CSMD2: variants seen among roughly 807,000 people sequenced by gnomAD.
CSMD2 encodes the protein CUB and sushi domain-containing protein 2.
Under a neutral mutation model 398.5 loss-of-function variants are expected in CSMD2, and 130 were observed. The ratio of observed to expected loss-of-function variants is 0.33; its 90% CI spans 0.28 to 0.38. CSMD2 has a LOEUF of 0.38. CSMD2 is among the 10% of genes least tolerant of loss of function. The pLI is 1.00. For missense variants in CSMD2, 3,829 were observed against 4,764.9 expected, an observed-to-expected ratio of 0.80 and a Z score of 5.78; for synonymous variants, 1,828 against 1,908.5, an observed-to-expected ratio of 0.96 and a Z score of 1.10.
At chr1:33,531,195 C>T (rs1355014703) in intron 64 of CSMD2, among the ~76,000 whole-genome samples, 1 of 152,134 alleles carries the variant, frequency 6.6e-6, no homozygotes, top group African/African-American at 2.4e-5. Context: ...TATATCAAAA[C>T]ATCATGCTGT....
intron 70 of CSMD2, among the ~76,000 whole-genome samples, chr1:33,517,195 G>C (rs143131468): frequency 8.5e-5 from 13 of 152,314 alleles, no homozygotes; most frequent in African/African-American, 2.9e-4. Flanking sequence ...ATGTGTGTGT[G>C]TCTGTTCAGG....
chr1:33,885,783 G>T (rs922254613), intron 5 of CSMD2, among the ~76,000 whole-genome samples: 1 of 152,132 alleles, frequency 6.6e-6, no homozygotes, highest in African/African-American at 2.4e-5. Flanking sequence ...TAGTCTAATA[G>T]GTATTCTCAG....
intron 2 of CSMD2, among the ~76,000 whole-genome samples, chr1:34,038,825 T>C (rs1326410974): frequency 6.6e-6 from 1 of 152,164 alleles, no homozygotes; most frequent in African/African-American, 2.4e-5. Context: ...AAAGTTCACT[T>C]CTTATCACCA....
chr1:33,616,509 A>G (rs1181526411), intron 39 of CSMD2, among the ~76,000 whole-genome samples: 4 of 152,160 alleles, frequency 2.6e-5, no homozygotes, highest in Admixed American at 2.6e-4. Context: ...AAGTGCTGGG[A>G]TTACAGGCAT....
intron 3 of CSMD2, among the ~76,000 whole-genome samples, chr1:33,946,851 T>A (rs944793312): frequency 1.6e-4 from 25 of 151,918 alleles, no homozygotes; most frequent in African/African-American, 6.0e-4. Context: ...GCTAGGCTGG[T>A]CTCCAATTCC....
chr1:33,987,602 T>C (rs1354969048), intron 3 of CSMD2, among the ~76,000 whole-genome samples: 1 of 152,194 alleles, frequency 6.6e-6, no homozygotes, highest in African/African-American at 2.4e-5. Context: ...TGCTGTCAAT[T>C]ATAATTCCTC....
intron 32 of CSMD2, among the ~76,000 whole-genome samples, chr1:33,632,852 G>A (rs553506184): frequency 6.6e-6 from 1 of 152,160 alleles, no homozygotes; most frequent in Non-Finnish European, 1.5e-5. Flanking sequence ...TAGGGAATTC[G>A]TTACATAAAT....
intron 26 of CSMD2, among the ~76,000 whole-genome samples, chr1:33,658,916 G>A (rs1455768472): frequency 1.3e-5 from 2 of 152,162 alleles, no homozygotes; most frequent in African/African-American, 4.8e-5. Flanking sequence ...GGTTTGCAAA[G>A]GACTTTGCGA....
intron 1 of CSMD2, among the ~76,000 whole-genome samples, chr1:34,152,542 T>G (rs1203381500): frequency 6.6e-6 from 1 of 152,084 alleles, no homozygotes; most frequent in African/African-American, 2.4e-5. Flanking sequence ...CCACTCTCAC[T>G]CAACCAGGAG....
intron 21 of CSMD2, among the ~76,000 whole-genome samples, chr1:33,712,802 T>C (rs1437910912): frequency 6.6e-6 from 1 of 151,996 alleles, no homozygotes; most frequent in East Asian, 1.9e-4. Flanking sequence ...CTGGGGTGGG[T>C]GGCGGGGTTC....
chr1:33,750,645 G>C (rs1648095417), intron 13 of CSMD2, among the ~76,000 whole-genome samples: 1 of 152,146 alleles, frequency 6.6e-6, no homozygotes, highest in African/African-American at 2.4e-5. Context: ...TCAAAAGAGA[G>C]ATCAACAGAG....
At chr1:33,851,217 T>C (rs1417466155) in intron 5 of CSMD2, among the ~76,000 whole-genome samples, 1 of 152,176 alleles carries the variant, frequency 6.6e-6, no homozygotes, top group East Asian at 1.9e-4. Flanking sequence ...TCCCTAGATA[T>C]AGGGAGTCCC....
At chr1:34,091,169 T>G (rs1434526725) in intron 1 of CSMD2, among the ~76,000 whole-genome samples, 1 of 152,226 alleles carries the variant, frequency 6.6e-6, no homozygotes, top group Non-Finnish European at 1.5e-5. Flanking sequence ...CACAAGTATC[T>G]GTCTTCTCAC....
At chr1:33,705,615 A>T (rs1280910482) in intron 22 of CSMD2, among the ~76,000 whole-genome samples, 1 of 151,948 alleles carries the variant, frequency 6.6e-6, no homozygotes, top group Non-Finnish European at 1.5e-5. Context: ...ATACGGGGGA[A>T]TCATAATTTT....
chr1:33,710,956 A>G (rs1645967194), intron 21 of CSMD2, among the ~76,000 whole-genome samples: 2 of 152,138 alleles, frequency 1.3e-5, no homozygotes, highest in South Asian at 4.1e-4. Context: ...GACTTTATAT[A>G]TGGCCTCATT....
chr1:33,658,162 G>A (rs1644011457), intron 26 of CSMD2, 25 bp from the exon 27 acceptor site: 3 of 1,596,802 alleles, frequency 1.9e-6, no homozygotes. Flanking sequence ...TAGAAGAGAG[G>A]GTAAGGTCGC....
At chr1:33,882,528 G>A (rs1641305606) in intron 5 of CSMD2, among the ~76,000 whole-genome samples, 1 of 152,150 alleles carries the variant, frequency 6.6e-6, no homozygotes, top group Middle Eastern at 3.2e-3. Context: ...CATTAGGCTG[G>A]CATTAGTGAT....
chr1:33,767,073 T>C (rs1650603285), intron 13 of CSMD2, among the ~76,000 whole-genome samples: 1 of 152,242 alleles, frequency 6.6e-6, no homozygotes, highest in Non-Finnish European at 1.5e-5. Flanking sequence ...TATAGCCTTA[T>C]ATAAAATAAT....
intron 1 of CSMD2, among the ~76,000 whole-genome samples, chr1:34,099,446 A>G (rs112930414): frequency 2.7e-4 from 41 of 152,334 alleles, no homozygotes; most frequent in African/African-American, 9.4e-4. Flanking sequence ...TGGACAACCA[A>G]TGAAATATCA....
Sources: allele counts gnomAD v4.1 joint callset (sites outside exome capture counted in the v4.1 genomes callset), GRCh38; gene constraint gnomAD v4.1.1; transcripts MANE v1.5; gene names NCBI Gene and HGNC (gene_info 2026-07-23, HGNC 2026-07-21).